Variants in CEP85L observed in about 807,000 individuals in gnomAD.
CEP85L encodes the protein centrosomal protein of 85 kDa-like.
Under a neutral mutation model 100.3 loss-of-function variants are expected in CEP85L, and 60 were observed. That is an observed-to-expected ratio of 0.60 (90% CI 0.49 to 0.74). CEP85L has a LOEUF of 0.74. CEP85L is among the 30% of genes least tolerant of loss of function. The probability of loss-of-function intolerance (pLI) is 0.00; values close to 1 mark genes in which losing one functional copy is unlikely to be tolerated. For synonymous variants in CEP85L, 319 were observed against 322.7 expected, an observed-to-expected ratio of 0.99 and a Z score of 0.12; for missense variants, 973 against 936.2, an observed-to-expected ratio of 1.04 and a Z score of -0.51.
intron 2 of CEP85L, among the ~76,000 whole-genome samples, chr6:118,600,298 G>GTGTGTGTGTGTGTGTGTGTGT (rs1781672559): frequency 1.7e-5 from 1 of 59,152 alleles, no homozygotes; most frequent in African/African-American, 5.8e-5. Context: ...AGCCTTCCTG[G>GTGTGTGTGTGTGTGTGTGTGT]GGGTGTGTGT....
chr6:118,532,304 C>T (rs891423904), intron 3 of CEP85L, among the ~76,000 whole-genome samples: 2 of 151,768 alleles, frequency 1.3e-5, no homozygotes, highest in Non-Finnish European at 2.9e-5. Flanking sequence ...AGCTAAACAT[C>T]GAATACACAT....
chr6:118,588,494 T>C (rs780560046), intron 2 of CEP85L, among the ~76,000 whole-genome samples: 14 of 152,198 alleles, frequency 9.2e-5, no homozygotes, highest in Non-Finnish European at 1.5e-4. Context: ...ATGCTGCTTC[T>C]GGATTAACCC....
chr6:118,477,045 T>C (rs1204142498), intron 10 of CEP85L, among the ~76,000 whole-genome samples: 1 of 152,158 alleles, frequency 6.6e-6, no homozygotes, highest in Non-Finnish European at 1.5e-5. Context: ...CATATGTTCA[T>C]GGAATTGACA....
intron 2 of CEP85L, among the ~76,000 whole-genome samples, chr6:118,586,148 A>G (rs1221056997): frequency 6.6e-6 from 1 of 152,148 alleles, no homozygotes; most frequent in Non-Finnish European, 1.5e-5. Flanking sequence ...GGTAGAGAAA[A>G]CTAATGATAT....
Position 118,651,213 on chromosome 6 carries a change from G to A in CEP85L, c.57C>T (p.Ala19=). The part of the protein sequence containing the change: ...EASGRDSPGG[A]RSFPAGPDYS... Reference sequence around the variant, plus strand: ...GTTCCTTACCGGCAGGGAAGCTGCGGGCTCCGCCGGGGCTATCCCGGCCGC... The same window carrying A: ...GTTCCTTACCGGCAGGGAAGCTGCGAGCTCCGCCGGGGCTATCCCGGCCGC... Residue 19 remains alanine, a synonymous_variant, in exon 1 of 13, where the codon GCC becomes GCT. Transcript: ENST00000368491. 6.7e-7 allele frequency: 1 copy of A among 1,496,342 alleles called. No individual in the cohort carries two copies. Among genetic ancestry groups the A allele is most frequent in the South Asian group, 1.2e-5 (1 of 80,204 alleles). The allele number at this position is 1,496,342 out of a possible 1,614,324, so 92.7% of individuals were successfully genotyped here. A position where few individuals can be genotyped will look rare whatever the true frequency, so the allele number is the denominator to read the frequency against.
intron 5 of CEP85L, among the ~76,000 whole-genome samples, chr6:118,506,333 G>A (rs1775655209): frequency 6.6e-6 from 1 of 152,172 alleles, no homozygotes; most frequent in African/African-American, 2.4e-5. Context: ...GAGGTCTGGT[G>A]AGTGTTCAGA....
chr6:118,548,868 T>C (rs1373461800), intron 3 of CEP85L, among the ~76,000 whole-genome samples: 1 of 152,042 alleles, frequency 6.6e-6, no homozygotes, highest in Non-Finnish European at 1.5e-5. Flanking sequence ...ATTATCAGCA[T>C]GCCTATTCCA....
At chr6:118,514,052 T>C (rs901749707) in intron 4 of CEP85L, among the ~76,000 whole-genome samples, 1 of 152,164 alleles carries the variant, frequency 6.6e-6, no homozygotes, top group African/African-American at 2.4e-5. Flanking sequence ...TAAAATAGTA[T>C]AGTATTACTT....
intron 2 of CEP85L, among the ~76,000 whole-genome samples, chr6:118,576,154 G>C (rs1358140578): frequency 1.3e-5 from 2 of 152,176 alleles, no homozygotes; most frequent in Non-Finnish European, 2.9e-5. Context: ...CTGGAAACCT[G>C]GTTACCATGG....
At chr6:118,600,300 G>GGGGGGGTGTGTGTGT (rs1562297733) in intron 2 of CEP85L, among the ~76,000 whole-genome samples, 4 of 52,246 alleles carry the variant, frequency 7.7e-5, no homozygotes, top group Non-Finnish European at 1.6e-4. Flanking sequence ...CCTTCCTGGG[G>GGGGGGGTGTGTGTGT]GTGTGTGTGT....
At chr6:118,614,650 C>A (rs1266383159) in intron 2 of CEP85L, among the ~76,000 whole-genome samples, 1 of 152,128 alleles carries the variant, frequency 6.6e-6, no homozygotes, top group Non-Finnish European at 1.5e-5. Context: ...TCAAGGACAG[C>A]CTGACCAACA....
chr6:118,555,858 GTTC>G (rs1187085099), intron 3 of CEP85L, among the ~76,000 whole-genome samples: 1 of 152,086 alleles, frequency 6.6e-6, no homozygotes, highest in Non-Finnish European at 1.5e-5. Flanking sequence ...GTGTTCATAA[GTTC>G]TTATCATCTT....
At chr6:118,550,952 C>T (rs1210908368) in intron 3 of CEP85L, among the ~76,000 whole-genome samples, 1 of 151,662 alleles carries the variant, frequency 6.6e-6, no homozygotes, top group Non-Finnish European at 1.5e-5. Context: ...TAAGCAATAC[C>T]TCCTGGAAGG....
chr6:118,503,036 A>G (rs1775406925), intron 5 of CEP85L: 2 of 220,274 alleles, frequency 9.1e-6, no homozygotes, highest in East Asian at 2.0e-4. Flanking sequence ...GCTTTTAATT[A>G]AACTTCGGAA....
At chr6:118,700,196 G>A (rs1236890792) in intron 1 of CEP85L, among the ~76,000 whole-genome samples, 1 of 152,168 alleles carries the variant, frequency 6.6e-6, no homozygotes, top group South Asian at 2.1e-4. Context: ...TATAAAAAAG[G>A]TTTTCTGTGC....
chr6:118,652,470 G>T, upstream of CEP85L: 1 of 1,286,786 alleles, frequency 7.8e-7, no homozygotes, highest in Non-Finnish European at 9.9e-7. Context: ...AAAAATTCTG[G>T]GCCAGCACTG....
chr6:118,576,435 T>C (rs139140592), intron 2 of CEP85L, among the ~76,000 whole-genome samples: 6 of 152,370 alleles, frequency 3.9e-5, no homozygotes, highest in African/African-American at 1.4e-4. Flanking sequence ...TCATGGACCA[T>C]CACTCCAGGA....
At chr6:118,531,131 C>A (rs1039479638) in intron 3 of CEP85L, among the ~76,000 whole-genome samples, 7 of 152,252 alleles carry the variant, frequency 4.6e-5, no homozygotes, top group African/African-American at 1.4e-4. Flanking sequence ...ATAACCAAAG[C>A]AGCATGGTAC....
At chr6:118,626,552 G>A (rs1365857672) in intron 2 of CEP85L, among the ~76,000 whole-genome samples, 1 of 152,176 alleles carries the variant, frequency 6.6e-6, no homozygotes, top group Admixed American at 6.5e-5. Context: ...TACTGCCTTT[G>A]TTTCTTGCTC....
Sources: gnomAD v4.1 joint callset for allele counts (sites outside exome capture counted in the v4.1 genomes callset) on GRCh38, gnomAD v4.1.1 for gene constraint, MANE v1.5 for transcripts, NCBI Gene and HGNC (gene_info 2026-07-23, HGNC 2026-07-21) for gene names.